Variants in REPS1 observed in about 807,000 individuals in gnomAD.
REPS1 encodes the protein ralBP1-associated Eps domain-containing protein 1.
REPS1 carries 39 observed loss-of-function variants against 100.9 expected under a neutral mutation model. The observed-to-expected ratio is 0.39, with a 90% CI of 0.30 to 0.50. The LOEUF (loss-of-function observed/expected upper bound fraction) is 0.50, where lower values mean the gene tolerates loss of function less well. Among genes scored for constraint, REPS1 ranks in the 20% least tolerant of loss-of-function variants. The pLI, the probability that REPS1 is intolerant of heterozygous loss-of-function variation, is 0.86. For missense variants in REPS1, 821 were observed against 968.5 expected (o/e 0.85, Z 2.02); for synonymous variants, 324 against 340.3 (o/e 0.95, Z 0.53).
rs1782431793 is a variant in REPS1, at chr6:138,943,878, C to G, written c.891G>C (p.Gln297His). The change falls in exon 6 of 20, where the codon CAG (glutamine) becomes CAC (histidine). Residue 297 changes from glutamine to histidine, a missense_variant. Around this residue, in one of 3 missense-constraint regions of REPS1, gnomAD observed 757 missense variants for 866.4 expected, o/e 0.87. Transcript: ENST00000450536. ...CTGGAATAAATCCGTTTAGATCAGG[C>G]TGAATGGTTTTAAACTGATTTACAT... Reference protein sequence around the residue: ...QYYVNQFKTIQPDLNGFIPGS... With the variant: ...QYYVNQFKTIHPDLNGFIPGS... 6.2e-7 allele frequency: 1 copy of G among 1,613,468 alleles called. No homozygotes were observed. Among genetic ancestry groups the G allele is most frequent in the African/African-American group, 1.3e-5 (1 of 75,022 alleles).
chr6:138,974,709 G>A (rs1326916011), intron 1 of REPS1, among the ~76,000 whole-genome samples: 2 of 152,056 alleles, frequency 1.3e-5, no homozygotes, highest in Non-Finnish European at 2.9e-5. Context: ...CGAAATCTCT[G>A]GGACAATATC....
At chr6:138,923,059 C>A (rs143748961) in intron 10 of REPS1, among the ~76,000 whole-genome samples, 3 of 152,138 alleles carry the variant, frequency 2.0e-5, no homozygotes, top group African/African-American at 7.2e-5. Context: ...ACCAATCAAC[C>A]TAACATTTGC....
intron 2 of REPS1, among the ~76,000 whole-genome samples, chr6:138,946,401 C>T (rs1363743361): frequency 1.3e-5 from 2 of 152,148 alleles, no homozygotes; most frequent in Non-Finnish European, 2.9e-5. Flanking sequence ...ATAAGTGATA[C>T]TTTTAGACCA....
chr6:138,927,852 A>G (rs1289072109), intron 9 of REPS1: 1 of 152,238 alleles, frequency 6.6e-6, no homozygotes, highest in East Asian at 1.9e-4. Flanking sequence ...TAATATAATT[A>G]GTTTTTTCCT....
intron 17 of REPS1, among the ~76,000 whole-genome samples, chr6:138,909,414 G>C (rs994091666): frequency 2.0e-5 from 3 of 152,138 alleles, no homozygotes; most frequent in African/African-American, 4.8e-5. Flanking sequence ...AAAAACAATA[G>C]TCAACTGCTA....
chr6:138,935,867 G>A (rs1410529890), intron 8 of REPS1, among the ~76,000 whole-genome samples: 2 of 53,810 alleles, frequency 3.7e-5, no homozygotes, highest in Non-Finnish European at 7.2e-5. Context: ...GGGGGGGGGG[G>A]GCGCGGGGGA....
At chr6:138,956,863 T>C (rs1341163139) in intron 1 of REPS1, among the ~76,000 whole-genome samples, 1 of 150,982 alleles carries the variant, frequency 6.6e-6, no homozygotes, top group Non-Finnish European at 1.5e-5. Flanking sequence ...CTAGTGCCTG[T>C]TCTGATAGAT....
chr6:138,979,198 CAAAAAAA>C (rs1277794755), intron 1 of REPS1, among the ~76,000 whole-genome samples: 1 of 91,798 alleles, frequency 1.1e-5, no homozygotes, highest in African/African-American at 5.1e-5. Context: ...AAAAAAAAAA[CAAAAAAA>C]AAAAACTGAA....
chr6:138,919,293 C>T (rs1425094422), intron 12 of REPS1, among the ~76,000 whole-genome samples: 1 of 152,082 alleles, frequency 6.6e-6, no homozygotes, highest in Non-Finnish European at 1.5e-5. Flanking sequence ...CTGCTTGCAC[C>T]CTAGACACCA....
intron 16 of REPS1, 120 bp downstream of exon 16, chr6:138,912,645 A>C: frequency 1.1e-6 from 1 of 930,958 alleles, no homozygotes; most frequent in African/African-American, 1.7e-5. Flanking sequence ...AAAAGATGAG[A>C]AGCACTGACC....
chr6:138,977,116 T>C (rs1784640340), intron 1 of REPS1, among the ~76,000 whole-genome samples: 1 of 152,222 alleles, frequency 6.6e-6, no homozygotes, highest in South Asian at 2.1e-4. Context: ...ATGTGTACAA[T>C]TCATTGAGTT....
At chr6:138,951,254 T>G (rs1206427909) in intron 1 of REPS1, 2 of 152,118 alleles carry the variant, frequency 1.3e-5, no homozygotes, top group East Asian at 3.9e-4. Context: ...CTAATAATCT[T>G]GTTTTGGGTT....
At chr6:138,972,322 G>GTT (rs1422762259) in intron 1 of REPS1, among the ~76,000 whole-genome samples, 1 of 152,160 alleles carries the variant, frequency 6.6e-6, no homozygotes, top group Non-Finnish European at 1.5e-5. Context: ...TAAAAGCTGT[G>GTT]TGAGAAACAG....
intron 17 of REPS1, among the ~76,000 whole-genome samples, chr6:138,910,161 G>A (rs1366036215): frequency 1.3e-5 from 2 of 152,096 alleles, no homozygotes; most frequent in Non-Finnish European, 2.9e-5. Flanking sequence ...TAATGAATGA[G>A]TTCTTACTCT....
intron 19 of REPS1, 119 bp downstream of exon 19, chr6:138,907,376 T>C (rs534153464): frequency 2.6e-4 from 146 of 563,130 alleles, no homozygotes; most frequent in Admixed American, 2.3e-3. Context: ...TCAAAGCATC[T>C]AGAAAATTAG....
At chr6:138,920,836 G>A (rs1203304080) in intron 11 of REPS1, among the ~76,000 whole-genome samples, 1 of 152,126 alleles carries the variant, frequency 6.6e-6, no homozygotes, top group Non-Finnish European at 1.5e-5. Context: ...ATTTTCAAAT[G>A]TCCTTATTTT....
At chr6:138,970,881 T>C (rs1784307450) in intron 1 of REPS1, among the ~76,000 whole-genome samples, 1 of 152,190 alleles carries the variant, frequency 6.6e-6, no homozygotes, top group Admixed American at 6.5e-5. Flanking sequence ...CATTTGTTAT[T>C]TGGCAGTAAA....
intron 8 of REPS1, among the ~76,000 whole-genome samples, chr6:138,930,755 CAGA>C (rs1781437903): frequency 6.6e-6 from 1 of 152,068 alleles, no homozygotes; most frequent in Non-Finnish European, 1.5e-5. Flanking sequence ...AGGCACAAAG[CAGA>C]AGGAGAGAGT....
At chr6:138,911,417 AT>A in intron 16 of REPS1, 46 bp from the exon 17 acceptor site, 3 of 1,165,806 alleles carry the variant, frequency 2.6e-6, no homozygotes, top group Non-Finnish European at 3.9e-6. Flanking sequence ...ATAACATGTA[AT>A]TATGCATAAA....
Sources: allele counts gnomAD v4.1 joint callset (sites outside exome capture counted in the v4.1 genomes callset), GRCh38; gene constraint gnomAD v4.1.1; regional missense constraint gnomAD v4.1.1; transcripts MANE v1.5; gene names NCBI Gene and HGNC (gene_info 2026-07-23, HGNC 2026-07-21).